MSI2: variants seen among roughly 807,000 people sequenced by gnomAD.
MSI2 encodes the protein musashi RNA binding protein 2.
MSI2 carries 17 observed loss-of-function variants against 45.6 expected under a neutral mutation model. The ratio of observed to expected loss-of-function variants is 0.37; its 90% CI spans 0.26 to 0.56. MSI2 has a LOEUF of 0.56. MSI2 is among the 20% of genes least tolerant of loss of function. MSI2 has a pLI of 0.77. For missense variants in MSI2, 293 were observed against 444.2 expected (o/e 0.66, Z 3.06); for synonymous variants, 156 against 158.2 (o/e 0.99, Z 0.11).
chr17:57,558,370 G>A (rs544082606), intron 7 of MSI2, among the ~76,000 whole-genome samples: 2 of 152,070 alleles, frequency 1.3e-5, no homozygotes, highest in Non-Finnish European at 2.9e-5. Flanking sequence ...AAAGAGGGTC[G>A]GTTCCCCTTT....
chr17:57,529,577 G>C lies in MSI2; in HGVS notation c.406-99G>C. The C allele has an allele frequency of 9.7e-7, 1 of 1,030,506 alleles. No homozygotes were observed. Among genetic ancestry groups the C allele is most frequent in the East Asian group, 2.5e-5 (1 of 40,214 alleles). 63.8% of individuals were successfully genotyped at this position (1,030,506 alleles called of 1,614,324 possible). ...TTTTTGATAAGCAACTATTACTTCTGTAATGGAAACTACCCCCTCACCCCC... is the reference window on the plus strand; with the variant it reads ...TTTTTGATAAGCAACTATTACTTCTCTAATGGAAACTACCCCCTCACCCCC... On this transcript the variant is annotated intron_variant, in intron 6 of 13. Transcript: ENST00000284073. This position sits in a 1 kb window ranked among gnomAD's most constrained non-coding sequence, Gnocchi z 5.3.
chr17:57,661,680 C>T (rs559988517), intron 11 of MSI2, among the ~76,000 whole-genome samples: 2 of 152,306 alleles, frequency 1.3e-5, no homozygotes, highest in East Asian at 1.9e-4. Flanking sequence ...CCTTAGTTCC[C>T]TTAACTTTCC....
upstream of MSI2, among the ~76,000 whole-genome samples, chr17:57,256,151 G>C (rs144457982): frequency 0.033 from 5,092 of 152,076 alleles, 282 homozygotes; most frequent in African/African-American, 0.12. Context: ...TCCCAGGTCC[G>C]GGTGAGGAGC....
intron 13 of MSI2, 40 bp from the exon 14 acceptor site, chr17:57,679,509 A>G (rs1913469453): frequency 6.8e-6 from 7 of 1,034,774 alleles, no homozygotes; most frequent in Non-Finnish European, 8.2e-6. Flanking sequence ...CCTCCATTTT[A>G]TGTTTTCTTC....
rs185030265 is a variant in MSI2, at chr17:57,592,811, C to T, written c.455-4057C>T. ...CTGCATTTTAATTCCTGTCTCCTAC[C>T]TCAGTTGCCTTTCTTCCCATCTCAG... On this transcript the variant is annotated intron_variant, in intron 7 of 13. Transcript: ENST00000284073. Among the ~76,000 whole-genome samples, 4 of 152,300 alleles carry T rather than the reference C, an allele frequency of 2.6e-5. No individual in the cohort carries two copies. The East Asian group carries it at 5.8e-4, about 22-fold the overall frequency.
intron 6 of MSI2, among the ~76,000 whole-genome samples, chr17:57,421,897 C>T (rs943749511): frequency 6.6e-6 from 1 of 152,080 alleles, no homozygotes; most frequent in Non-Finnish European, 1.5e-5. Flanking sequence ...AAATAGAAAT[C>T]ACACCTTGGT....
At chr17:57,299,599 CTTAT>C (rs967346150) in intron 5 of MSI2, among the ~76,000 whole-genome samples, 4 of 152,050 alleles carry the variant, frequency 2.6e-5, no homozygotes, top group South Asian at 2.1e-4. Context: ...AGTTTGCCAT[CTTAT>C]TTATTTATTT....
chr17:57,443,749 C>T (rs371062570), intron 6 of MSI2, among the ~76,000 whole-genome samples: 12 of 152,270 alleles, frequency 7.9e-5, no homozygotes, highest in East Asian at 1.9e-4. Context: ...TTGGGCAAAG[C>T]TTTTCACCTC....
chr17:57,302,591 G>C (rs1403132751), intron 5 of MSI2, among the ~76,000 whole-genome samples: 1 of 152,212 alleles, frequency 6.6e-6, no homozygotes, highest in Non-Finnish European at 1.5e-5. Flanking sequence ...GCTTTGGTAG[G>C]ACATGTTCTC....
At chr17:57,653,219 A>G (rs1335947725) in intron 11 of MSI2, among the ~76,000 whole-genome samples, 1 of 152,228 alleles carries the variant, frequency 6.6e-6, no homozygotes, top group Admixed American at 6.5e-5. Context: ...GGCCCATTAG[A>G]AAACTTCAGT....
chr17:57,562,158 A>C (rs535735832), intron 7 of MSI2, among the ~76,000 whole-genome samples: 1 of 152,294 alleles, frequency 6.6e-6, no homozygotes, highest in African/African-American at 2.4e-5. Context: ...CCGTTCATCC[A>C]TCCATCCCCA....
intron 5 of MSI2, among the ~76,000 whole-genome samples, chr17:57,350,393 G>A (rs565392078): frequency 1.1e-4 from 16 of 152,214 alleles, no homozygotes; most frequent in Middle Eastern, 3.4e-3. Context: ...GCCAATTTTC[G>A]GTTTGTGCAA....
intron 6 of MSI2, among the ~76,000 whole-genome samples, chr17:57,520,246 A>T (rs1302651750): frequency 6.6e-6 from 1 of 152,224 alleles, no homozygotes; most frequent in Admixed American, 6.5e-5. Context: ...TTGTGGAATC[A>T]GAATCTCTGA....
chr17:57,581,929 A>G (rs1020803483), intron 7 of MSI2, among the ~76,000 whole-genome samples: 1 of 152,264 alleles, frequency 6.6e-6, no homozygotes, highest in Non-Finnish European at 1.5e-5. Flanking sequence ...TGAAAAATTT[A>G]TTGAGACGAG....
chr17:57,446,547 T>C (rs1361768226), intron 6 of MSI2, among the ~76,000 whole-genome samples: 1 of 152,178 alleles, frequency 6.6e-6, no homozygotes, highest in Non-Finnish European at 1.5e-5. Context: ...ATAGGGCCTT[T>C]CCCTGTTTAG....
intron 6 of MSI2, among the ~76,000 whole-genome samples, chr17:57,430,020 G>A (rs1349793269): frequency 6.6e-6 from 1 of 152,176 alleles, no homozygotes; most frequent in Admixed American, 6.5e-5. Context: ...CAGATGCATG[G>A]AAGTCCTCAG....
intron 6 of MSI2, among the ~76,000 whole-genome samples, chr17:57,443,932 G>C (rs2084848539): frequency 6.6e-6 from 1 of 152,168 alleles, no homozygotes; most frequent in Non-Finnish European, 1.5e-5. Flanking sequence ...CTCCTCCTGA[G>C]TCCAGTGGTG....
chr17:57,332,308 C>G (rs1914341138), intron 5 of MSI2, among the ~76,000 whole-genome samples: 1 of 152,208 alleles, frequency 6.6e-6, no homozygotes, highest in Non-Finnish European at 1.5e-5. Context: ...TCCATGTTAG[C>G]CAGGCTGGTC....
intron 6 of MSI2, among the ~76,000 whole-genome samples, chr17:57,420,112 G>A (rs2084368093): frequency 6.6e-6 from 1 of 152,198 alleles, no homozygotes; most frequent in Non-Finnish European, 1.5e-5. Flanking sequence ...GGGTCCTGGG[G>A]TAGCTCTGTT....
Sources: allele counts gnomAD v4.1 joint callset (sites outside exome capture counted in the v4.1 genomes callset), GRCh38; gene constraint gnomAD v4.1.1; non-coding constraint Gnocchi (gnomAD v3.1); transcripts MANE v1.5; gene names NCBI Gene and HGNC (gene_info 2026-07-23, HGNC 2026-07-21).